ASTN2: variants seen among roughly 807,000 people sequenced by gnomAD.
ASTN2 encodes the protein astrotactin 2.
Under a neutral mutation model 139.8 loss-of-function variants are expected in ASTN2, and 54 were observed. That is an observed-to-expected ratio of 0.39 (90% CI 0.31 to 0.48). The LOEUF is 0.48. ASTN2 is among the 20% of genes least tolerant of loss of function. The pLI is 0.95. For missense variants in ASTN2, 1,565 were observed against 1,725.1 expected (o/e 0.91, Z 1.64); for synonymous variants, 756 against 719.5 (o/e 1.05, Z -0.81).
chr9:117,056,568 A>G (rs547621514), intron 5 of ASTN2, among the ~76,000 whole-genome samples: 1 of 152,298 alleles, frequency 6.6e-6, no homozygotes, highest in African/African-American at 2.4e-5. Flanking sequence ...TGAAGACTTC[A>G]CAAGCTTATT....
At chr9:116,666,004 T>TA (rs1366072392) in intron 16 of ASTN2, among the ~76,000 whole-genome samples, 8 of 152,216 alleles carry the variant, frequency 5.3e-5, no homozygotes, top group Non-Finnish European at 1.5e-5. Context: ...CCATATTTTT[T>TA]ATGGAAATAC....
chr9:116,742,865 G>C (rs1278513496), intron 13 of ASTN2, among the ~76,000 whole-genome samples: 3 of 152,136 alleles, frequency 2.0e-5, no homozygotes, highest in Non-Finnish European at 4.4e-5. Flanking sequence ...GCTGAGATTA[G>C]AACATTAGAA....
intron 7 of ASTN2, among the ~76,000 whole-genome samples, chr9:116,995,602 T>A (rs1334110397): frequency 6.6e-6 from 1 of 152,120 alleles, no homozygotes; most frequent in African/African-American, 2.4e-5. Flanking sequence ...ATGACACAAA[T>A]AAATGTATCA....
At chr9:116,599,537 A>C (rs888149147) in intron 19 of ASTN2, among the ~76,000 whole-genome samples, 2 of 152,182 alleles carry the variant, frequency 1.3e-5, no homozygotes, top group Admixed American at 1.3e-4. Flanking sequence ...TTTAGTTCTG[A>C]TATTTTTCCC....
chr9:117,110,129 G>A lies in ASTN2; in HGVS notation c.1169-13978C>T, dbSNP rs190451632. 9.5e-3 allele frequency among the ~76,000 whole-genome samples: 1,449 copies of A among 152,126 alleles called. 13 individuals carry two copies. Among genetic ancestry groups the A allele is most frequent in the South Asian group, 0.02 (98 of 4,818 alleles). On this transcript the variant is annotated intron_variant, in intron 4 of 22. Transcript: ENST00000313400. ...ATTTTTCATCTTTTGAAATAAAAAA[G>A]TTATTTCTTGCTTTAATAATATCCA...
intron 13 of ASTN2, among the ~76,000 whole-genome samples, chr9:116,794,600 G>A (rs777524825): frequency 5.9e-5 from 9 of 152,106 alleles, no homozygotes; most frequent in Non-Finnish European, 1.3e-4. Flanking sequence ...TTATTTACAC[G>A]CTGTGTGGCC....
intron 5 of ASTN2, among the ~76,000 whole-genome samples, chr9:117,094,541 C>T (rs767125893): frequency 7.2e-5 from 11 of 152,108 alleles, no homozygotes; most frequent in Admixed American, 5.2e-4. Flanking sequence ...TGCAGGTTCC[C>T]GGAAGCTGAG....
At chr9:116,487,301 C>G in intron 20 of ASTN2, 58 bp downstream of exon 20, 4 of 1,597,280 alleles carry the variant, frequency 2.5e-6, no homozygotes, top group Non-Finnish European at 3.4e-6. Flanking sequence ...TGCCATTCCT[C>G]TTAGGCTTAA....
chr9:116,579,585 C>T (rs898162481), intron 19 of ASTN2, among the ~76,000 whole-genome samples: 1 of 152,118 alleles, frequency 6.6e-6, no homozygotes, highest in African/African-American at 2.4e-5. Flanking sequence ...GCCCTAAGGG[C>T]TAACCCTTGC....
At chr9:117,098,548 G>A (rs112832570) in intron 4 of ASTN2, among the ~76,000 whole-genome samples, 117 of 152,244 alleles carry the variant, frequency 7.7e-4, no homozygotes, top group Middle Eastern at 3.4e-3. Flanking sequence ...GGCAAGGTCT[G>A]TCCCGGAGCC....
chr9:116,996,351 T>C (rs180898542), intron 7 of ASTN2, among the ~76,000 whole-genome samples: 3 of 152,214 alleles, frequency 2.0e-5, no homozygotes, highest in Admixed American at 2.0e-4. Context: ...CACATCTACC[T>C]CATATAATTA....
At chr9:116,947,836 C>T (rs1038124638) in intron 10 of ASTN2, among the ~76,000 whole-genome samples, 3 of 152,220 alleles carry the variant, frequency 2.0e-5, no homozygotes, top group Non-Finnish European at 4.4e-5. Flanking sequence ...GTGGGATCCT[C>T]AGGTTCCATT....
At chr9:116,967,370 C>T (rs138863855) in intron 10 of ASTN2, among the ~76,000 whole-genome samples, 158 of 152,304 alleles carry the variant, frequency 1.0e-3, no homozygotes, top group African/African-American at 3.5e-3. Context: ...ATTCACTTCG[C>T]CCAATACCTC....
chr9:117,221,952 T>A (rs12343484), intron 2 of ASTN2, among the ~76,000 whole-genome samples: 85,418 of 151,946 alleles, frequency 0.56, 24,800 homozygotes, highest in East Asian at 0.71. Context: ...TGCAGCCGAC[T>A]CCCTCCAAAG....
At chr9:117,369,968 T>C (rs1829945923) in intron 1 of ASTN2, among the ~76,000 whole-genome samples, 1 of 152,096 alleles carries the variant, frequency 6.6e-6, no homozygotes, top group Admixed American at 6.6e-5. Flanking sequence ...AAAAAATTCA[T>C]ATTTGTCATG....
In ASTN2 at chr9:116,776,039, G is replaced by A. The variant is rs186715180; in HGVS notation, c.2396+29593C>T. ...AAGGGTGCCCCACTGAAGGGAGACT[G>A]GGTATTGAGGTCCAGTCCATGGTCT... On this transcript the variant is annotated intron_variant, in intron 13 of 22. Coordinates refer to ENST00000313400, the MANE Select transcript of ASTN2 (RefSeq NM_001365068.1). 2.2e-3 allele frequency among the ~76,000 whole-genome samples: 342 copies of A among 152,256 alleles called. 2 individuals are homozygous for A. Among genetic ancestry groups the A allele is most frequent in the African/African-American group, 5.5e-3 (230 of 41,544 alleles).
intron 11 of ASTN2, among the ~76,000 whole-genome samples, chr9:116,836,305 G>C (rs1043977385): frequency 6.6e-6 from 1 of 152,130 alleles, no homozygotes; most frequent in Non-Finnish European, 1.5e-5. Context: ...AAGGGGGAAG[G>C]TGCTTCAATG....
chr9:116,826,400 G>T (rs1588325655), intron 11 of ASTN2, among the ~76,000 whole-genome samples: 1 of 152,138 alleles, frequency 6.6e-6, no homozygotes, highest in South Asian at 2.1e-4. Flanking sequence ...CAGGCTTGGG[G>T]CCGAGTTTGA....
At position 116,700,075 on chromosome 9, in the gene ASTN2, T is replaced by C. The variant is rs866692844; in HGVS notation, c.2806+25696A>G. On this transcript the variant is annotated intron_variant, in intron 16 of 22. Coordinates refer to ENST00000313400, the MANE Select transcript of ASTN2 (RefSeq NM_001365068.1). ...TTTTCCCATTTGGCTTTGATGCCCT[T>C]GATCCATTGTTTCCTTCCTACTATA... The C allele has an allele frequency of 8.8e-5, 28 of 316,864 alleles. 1 individual carries two copies. The South Asian group carries it at 1.0e-3, about 12-fold the overall frequency. The allele number at this position is 316,864 out of a possible 1,614,324, so 19.6% of individuals were successfully genotyped here.
Sources: gnomAD v4.1 joint callset for allele counts (sites outside exome capture counted in the v4.1 genomes callset) on GRCh38, gnomAD v4.1.1 for gene constraint, MANE v1.5 for transcripts, NCBI Gene and HGNC (gene_info 2026-07-23, HGNC 2026-07-21) for gene names.